Variants in ARCN1 observed in about 807,000 individuals in gnomAD.
ARCN1 encodes the protein archain 1 coat protein complex I subunit delta.
A neutral mutation model predicts 60.4 loss-of-function variants in ARCN1; 5 were observed. That is an observed-to-expected ratio of 0.08 (90% confidence interval 0.04 to 0.17). The LOEUF (loss-of-function observed/expected upper bound fraction) is 0.17. Among genes scored for constraint, ARCN1 ranks in the 10% least tolerant of loss-of-function variants. The pLI, the probability that ARCN1 is intolerant of heterozygous loss-of-function variation, is 1.00. For synonymous variants in ARCN1, 224 were observed against 220.0 expected, an observed-to-expected ratio of 1.02 and a Z score of -0.16; for missense variants, 464 against 626.5, an observed-to-expected ratio of 0.74 and a Z score of 2.77.
chr11:118,583,014 G>T (rs911159264), intron 2 of ARCN1, among the ~76,000 whole-genome samples, 165 bp from the exon 3 acceptor site: 2 of 152,238 alleles, frequency 1.3e-5, no homozygotes, highest in Middle Eastern at 3.4e-3. Flanking sequence ...GCACTCCAGC[G>T]TGGGCAGCAG....
intron 1 of ARCN1, among the ~76,000 whole-genome samples, chr11:118,574,343 G>C (rs1938431858): frequency 6.6e-6 from 1 of 152,118 alleles, no homozygotes. Context: ...GAAATGTCCA[G>C]ATAGGGTGAA....
Position 118,581,410 on chromosome 11 carries a change from T to C in ARCN1, c.168T>C (p.Tyr56=), listed in dbSNP as rs782569438. The change falls in exon 2 of 10, where the codon TAT becomes TAC. Residue 56 remains tyrosine (Y), a synonymous_variant. Transcript: ENST00000264028. ...TTGTTGAAACAGAGAGTGTAAGATA[T>C]GTCTACCAGCCTATGGAGAAACTGT... The part of the protein sequence containing the change: ...HTFVETESVR[Y]VYQPMEKLYM... The C allele has an allele frequency of 1.2e-5, 20 of 1,614,216 alleles. No homozygotes were observed. In the South Asian group the frequency reaches 1.6e-4, roughly 13 times the overall value.
intron 1 of ARCN1, among the ~76,000 whole-genome samples, chr11:118,577,863 G>A (rs1257854844): frequency 1.3e-5 from 2 of 152,108 alleles, no homozygotes; most frequent in Non-Finnish European, 2.9e-5. Context: ...ATGCTCATCA[G>A]TAAAGTGGAT....
chr11:118,598,488 A>ATTT (rs1174732773), intron 9 of ARCN1, among the ~76,000 whole-genome samples: 19 of 111,112 alleles, frequency 1.7e-4, no homozygotes, highest in South Asian at 6.1e-4. Flanking sequence ...GTTCCTTCGG[A>ATTT]TTTTTTTTTT....
At chr11:118,598,603 T>C (rs1187792738) in intron 9 of ARCN1, among the ~76,000 whole-genome samples, 3 of 150,612 alleles carry the variant, frequency 2.0e-5, no homozygotes, top group Non-Finnish European at 4.4e-5. Context: ...CAAACAATTC[T>C]CTTGCCTCAG....
At chr11:118,595,062 C>G (rs1420588821) in intron 8 of ARCN1, among the ~76,000 whole-genome samples, 2 of 151,914 alleles carry the variant, frequency 1.3e-5, no homozygotes, top group Non-Finnish European at 2.9e-5. Context: ...GTTGGCCAGG[C>G]TGGTCTCAAA....
At chr11:118,593,543 C>T (rs1555076654) in intron 7 of ARCN1, 47 bp from the exon 8 acceptor site, 1 of 1,373,328 alleles carries the variant, frequency 7.3e-7, no homozygotes, top group East Asian at 2.3e-5. Flanking sequence ...CTGCACCCAG[C>T]CATCTTTTTC....
At chr11:118,590,313 G>A (rs530117599) in intron 5 of ARCN1, 28 bp from the exon 6 acceptor site, 4 of 1,596,950 alleles carry the variant, frequency 2.5e-6, no homozygotes, top group African/African-American at 2.7e-5. Context: ...CTACCTTTCT[G>A]AACAAATGTA....
intron 5 of ARCN1, among the ~76,000 whole-genome samples, chr11:118,587,364 A>G (rs2135546546): frequency 6.6e-6 from 1 of 152,328 alleles, no homozygotes; most frequent in Non-Finnish European, 1.5e-5. Flanking sequence ...TGAATAAAAA[A>G]CATGTATACA....
chr11:118,598,476 C>T (rs1939077633), intron 9 of ARCN1, among the ~76,000 whole-genome samples: 3 of 149,290 alleles, frequency 2.0e-5, no homozygotes, highest in Admixed American at 2.0e-4. Flanking sequence ...GATGTGTGAG[C>T]TGTTCCTTCG....
rs1449476815 is a variant in ARCN1, at chr11:118,598,199, G to GT, written c.1446+297dup. 9.9e-5 allele frequency among the ~76,000 whole-genome samples: 15 copies of GT among 150,932 alleles called. No individual in the cohort carries two copies. The South Asian group carries it at 2.7e-3, about 27-fold the overall frequency. On this transcript the variant is annotated intron_variant, in intron 9 of 9. Coordinates refer to ENST00000264028, the MANE Select transcript of ARCN1 (RefSeq NM_001655.5). Reference sequence around the variant, plus strand: ...AAGATTCATAAACACTTAGTTGCCTGTTTTTTTTTAACCTTATATATTTTA... The same window carrying GT: ...AAGATTCATAAACACTTAGTTGCCTGTTTTTTTTTTAACCTTATATATTTTA...
intron 7 of ARCN1, 132 bp downstream of exon 7, chr11:118,592,988 C>G (rs1938946316): frequency 2.3e-6 from 2 of 867,424 alleles, no homozygotes; most frequent in Non-Finnish European, 3.5e-6. Context: ...TGAAATGGAC[C>G]TGGTGCTGCA....
At chr11:118,596,564 G>A (rs1205099062) in intron 8 of ARCN1, among the ~76,000 whole-genome samples, 4 of 152,224 alleles carry the variant, frequency 2.6e-5, no homozygotes, top group African/African-American at 9.6e-5. Context: ...ATAGGGAAGA[G>A]TTAATAGTCT....
chr11:118,602,013 C>A lies in ARCN1; in HGVS notation c.*1299C>A. ...GACTGCACTCTCTGTCATCAGTCCC[C>A]TCCTTTCTAACAGAAATGGGGTTAT... is the stretch of plus-strand genomic sequence containing the variant. On this transcript the variant is annotated 3_prime_UTR_variant, in exon 10 of 10. Coordinates refer to ENST00000264028, the MANE Select transcript of ARCN1 (RefSeq NM_001655.5). 2.7e-6 allele frequency: 1 copy of A among 371,722 alleles called. No homozygotes were observed. Among genetic ancestry groups the A allele is most frequent in the Non-Finnish European group, 4.9e-6 (1 of 204,678 alleles). 23.0% of individuals were successfully genotyped at this position (371,722 alleles called of 1,614,324 possible).
chr11:118,580,202 A>G (rs1379238023), intron 1 of ARCN1, among the ~76,000 whole-genome samples: 1 of 152,188 alleles, frequency 6.6e-6, no homozygotes, highest in Non-Finnish European at 1.5e-5. Flanking sequence ...ACCTGCCTAT[A>G]GTCCCAGCTC....
chr11:118,592,391 A>G (rs934940649), intron 6 of ARCN1, among the ~76,000 whole-genome samples: 1 of 152,188 alleles, frequency 6.6e-6, no homozygotes, highest in South Asian at 2.1e-4. Flanking sequence ...TGGCCCCACC[A>G]TGAACCTGCT....
chr11:118,588,422 G>A (rs949265295), intron 5 of ARCN1, among the ~76,000 whole-genome samples: 1 of 152,162 alleles, frequency 6.6e-6, no homozygotes, highest in Non-Finnish European at 1.5e-5. Context: ...AGGGATATGG[G>A]AGTTATGAGC....
intron 8 of ARCN1, among the ~76,000 whole-genome samples, chr11:118,595,095 C>T (rs1591391120): frequency 6.6e-6 from 1 of 152,246 alleles, no homozygotes; most frequent in African/African-American, 2.4e-5. Context: ...AAATGATCCA[C>T]CTGCCTTGGC....
intron 9 of ARCN1, among the ~76,000 whole-genome samples, chr11:118,599,394 A>T (rs1555077754): frequency 6.7e-6 from 1 of 149,870 alleles, no homozygotes; most frequent in African/African-American, 2.5e-5. Flanking sequence ...CTCGGCCCGG[A>T]TCATTATTTT....
Sources: gnomAD v4.1 joint callset for allele counts (sites outside exome capture counted in the v4.1 genomes callset) on GRCh38, gnomAD v4.1.1 for gene constraint, MANE v1.5 for transcripts, NCBI Gene and HGNC (gene_info 2026-07-23, HGNC 2026-07-21) for gene names.